Variants in DLGAP2 observed in about 807,000 individuals in gnomAD.
DLGAP2 encodes the protein disks large-associated protein 2.
A neutral mutation model predicts 100.3 loss-of-function variants in DLGAP2; 26 were observed. That is an observed-to-expected ratio of 0.26 (90% confidence interval 0.19 to 0.36). DLGAP2 has a LOEUF of 0.36. Ranked by LOEUF, DLGAP2 falls within the 10% of genes least tolerant of loss-of-function variation. The pLI is 1.00. For synonymous variants in DLGAP2, 886 were observed against 630.1 expected, an observed-to-expected ratio of 1.41 and a Z score of -6.08; for missense variants, 1,858 against 1,453.2, an observed-to-expected ratio of 1.28 and a Z score of -4.53.
intron 3 of DLGAP2, among the ~76,000 whole-genome samples, chr8:1,456,375 T>G (rs1798312409): frequency 6.6e-6 from 1 of 152,206 alleles, no homozygotes; most frequent in Non-Finnish European, 1.5e-5. Context: ...TCTTCCTGAC[T>G]AATGGTGCCG....
chr8:1,346,162 A>G (rs1457807539), intron 3 of DLGAP2, among the ~76,000 whole-genome samples: 1 of 151,818 alleles, frequency 6.6e-6, no homozygotes, highest in African/African-American at 2.4e-5. Context: ...TCTGATGGTA[A>G]CTGTGTGGAG....
At chr8:907,057 C>G (rs973601456) in intron 1 of DLGAP2, among the ~76,000 whole-genome samples, 1 of 152,178 alleles carries the variant, frequency 6.6e-6, no homozygotes, top group Non-Finnish European at 1.5e-5. Flanking sequence ...CTCAGCCAGA[C>G]TGAAAGTCGA....
At chr8:947,410 C>G (rs1799355197) in intron 2 of DLGAP2, among the ~76,000 whole-genome samples, 1 of 152,234 alleles carries the variant, frequency 6.6e-6, no homozygotes, top group Non-Finnish European at 1.5e-5. Context: ...TTGCGCTGGC[C>G]TTGCACTTGC....
intron 2 of DLGAP2, among the ~76,000 whole-genome samples, chr8:910,067 G>A (rs1192771185): frequency 6.6e-6 from 1 of 152,156 alleles, no homozygotes; most frequent in Non-Finnish European, 1.5e-5. Flanking sequence ...TTCCGTTTTG[G>A]AAGACGAAAC....
At chr8:1,131,261 A>T (rs1156722862) in intron 2 of DLGAP2, among the ~76,000 whole-genome samples, 1 of 152,092 alleles carries the variant, frequency 6.6e-6, no homozygotes, top group Non-Finnish European at 1.5e-5. Flanking sequence ...AAAACGAGTG[A>T]CTGGCTTAGT....
chr8:1,634,135 C>T (rs1447244690), intron 8 of DLGAP2, among the ~76,000 whole-genome samples: 2 of 152,226 alleles, frequency 1.3e-5, no homozygotes, highest in Admixed American at 6.5e-5. Context: ...ATCATGTCCT[C>T]GCTGCAAGAA....
In DLGAP2 at chr8:1,174,946, G is replaced by T. The variant is rs554896686; in HGVS notation, c.74-83905G>T. 2.9e-5 allele frequency among the ~76,000 whole-genome samples: 4 copies of T among 140,282 alleles called. No homozygotes were observed. In the East Asian group the frequency reaches 6.3e-4, roughly 22 times the overall value. 92.0% of individuals were successfully genotyped at this position (140,282 alleles called of 152,430 possible). On this transcript the variant is annotated intron_variant, in intron 2 of 14. Coordinates refer to ENST00000637795, the MANE Select transcript of DLGAP2 (RefSeq NM_001346810.2). ...TGTTGTTCATCACCCTTCTTATGAT[G>T]ATAAGAAAATTAATTCCCCTTTCTA...
chr8:1,317,742 T>G (rs78739733), intron 3 of DLGAP2, among the ~76,000 whole-genome samples: 1 of 51,880 alleles, frequency 1.9e-5, no homozygotes, highest in Admixed American at 2.0e-4. Flanking sequence ...AGAGCGTGTG[T>G]GAGTGCAGCG....
intron 1 of DLGAP2, among the ~76,000 whole-genome samples, chr8:807,589 T>C (rs1235288726): frequency 1.7e-5 from 2 of 119,894 alleles, no homozygotes; most frequent in East Asian, 2.1e-4. Flanking sequence ...ATGTTCTCTC[T>C]CCTCTTTTTC....
chr8:1,572,000 A>G, intron 6 of DLGAP2, among the ~76,000 whole-genome samples: 1 of 133,170 alleles, frequency 7.5e-6, no homozygotes, highest in Non-Finnish European at 1.6e-5. Flanking sequence ...GAGAGGGTGA[A>G]CTGTGGGGGC....
chr8:1,202,791 C>T (rs1212122214), intron 2 of DLGAP2, among the ~76,000 whole-genome samples: 2 of 152,204 alleles, frequency 1.3e-5, no homozygotes, highest in Non-Finnish European at 2.9e-5. Flanking sequence ...ACCCAAATGA[C>T]AATCACCCAA....
chr8:1,516,549 G>A (rs1267589703), intron 4 of DLGAP2, among the ~76,000 whole-genome samples: 1 of 151,972 alleles, frequency 6.6e-6, no homozygotes, highest in Non-Finnish European at 1.5e-5. Context: ...GTGCATGAAT[G>A]AGTGAGTGAA....
At chr8:1,376,122 T>C (rs1416256880) in intron 3 of DLGAP2, among the ~76,000 whole-genome samples, 1 of 150,816 alleles carries the variant, frequency 6.6e-6, no homozygotes, top group Admixed American at 6.6e-5. Context: ...ACCTCAGAAC[T>C]GAGCCCCCAC....
intron 1 of DLGAP2, among the ~76,000 whole-genome samples, chr8:779,983 A>C (rs1218978647): frequency 6.6e-6 from 1 of 152,128 alleles, no homozygotes; most frequent in Non-Finnish European, 1.5e-5. Flanking sequence ...CTGTCACCTC[A>C]CCAACTTACC....
chr8:1,300,839 A>C (rs1800318807), intron 3 of DLGAP2: 1 of 152,152 alleles, frequency 6.6e-6, no homozygotes, highest in Admixed American at 6.5e-5. Context: ...TTCATTTTCC[A>C]TGTATGATTT....
At chr8:1,046,360 T>C (rs1207197465) in intron 2 of DLGAP2, among the ~76,000 whole-genome samples, 1 of 152,180 alleles carries the variant, frequency 6.6e-6, no homozygotes, top group Non-Finnish European at 1.5e-5. Flanking sequence ...TTGGAGGTTG[T>C]TTTTATTTTG....
chr8:1,001,438 A>G (rs6999987), intron 2 of DLGAP2, among the ~76,000 whole-genome samples: 100 of 152,316 alleles, frequency 6.6e-4, no homozygotes, highest in African/African-American at 2.3e-3. Flanking sequence ...TAATCTCTCA[A>G]ACTTTTCATC....
chr8:1,357,915 C>T lies in DLGAP2; in HGVS notation c.106+99032C>T, dbSNP rs924068519. On this transcript the variant is annotated intron_variant, in intron 3 of 14. Transcript: ENST00000637795. Reference sequence around the variant, plus strand: ...TCTAACTGACATGGATGTTGGCTCCCCACACTGTGAGCACCTGGGTGTTTC... The same window carrying T: ...TCTAACTGACATGGATGTTGGCTCCTCACACTGTGAGCACCTGGGTGTTTC... Among the ~76,000 whole-genome samples, 124 of 152,284 alleles carry T rather than the reference C, an allele frequency of 8.1e-4. 3 individuals carry two copies. The South Asian group carries it at 0.025, about 31-fold the overall frequency.
At chr8:1,584,249 A>C (rs1205433460) in intron 6 of DLGAP2, among the ~76,000 whole-genome samples, 1 of 152,190 alleles carries the variant, frequency 6.6e-6, no homozygotes, top group Non-Finnish European at 1.5e-5. Context: ...AGCGACGCCG[A>C]TAAAGTAATC....
Sources: gnomAD v4.1 joint callset for allele counts (sites outside exome capture counted in the v4.1 genomes callset) on GRCh38, gnomAD v4.1.1 for gene constraint, MANE v1.5 for transcripts, NCBI Gene and HGNC (gene_info 2026-07-23, HGNC 2026-07-21) for gene names.